The following POTEI variants were observed in gnomAD, a reference collection of about 807,000 sequenced individuals.
POTEI encodes POTE ankyrin domain family member I, also known as POTE ankyrin domain family, member I.
POTEI carries 14 observed loss-of-function variants against 43.4 expected under a neutral mutation model. The observed-to-expected ratio is 0.32, with a 90% CI of 0.21 to 0.50. The LOEUF is 0.50. Ranked by LOEUF, POTEI falls within the 20% of genes least tolerant of loss-of-function variation. The pLI is 0.98. For synonymous variants in POTEI, 95 were observed against 297.9 expected, an observed-to-expected ratio of 0.32 and a Z score of 7.01; for missense variants, 235 against 795.4, an observed-to-expected ratio of 0.30 and a Z score of 8.47.
intron 10 of POTEI, among the ~76,000 whole-genome samples, chr2:130,479,258 G>A (rs1683313409): frequency 6.6e-6 from 1 of 150,648 alleles, no homozygotes; most frequent in South Asian, 2.1e-4. Flanking sequence ...AACTATTAAT[G>A]TTATTTCTTA....
At chr2:130,482,617 G>T (rs1224334482) in intron 9 of POTEI, among the ~76,000 whole-genome samples, 1 of 150,352 alleles carries the variant, frequency 6.7e-6, no homozygotes, top group Non-Finnish European at 1.5e-5. Flanking sequence ...ATATGCAAAT[G>T]TTGTAGTTTT....
At chr2:130,467,600 C>T (rs1231863064) in intron 13 of POTEI, among the ~76,000 whole-genome samples, 3 of 148,968 alleles carry the variant, frequency 2.0e-5, no homozygotes, top group African/African-American at 7.4e-5. Flanking sequence ...GCAAATCCAA[C>T]AAAAATGTAA....
intron 9 of POTEI, among the ~76,000 whole-genome samples, chr2:130,483,600 T>TTTTGC (rs1257753135): frequency 1.3e-4 from 1 of 7,490 alleles, no homozygotes; most frequent in African/African-American, 2.0e-4. Context: ...GTCAAACTTG[T>TTTTGC]TTTTTTTTTT....
Position 130,483,957 on chromosome 2 carries a change from ATT to A in POTEI, c.1410-1886_1410-1885del, listed in dbSNP as rs533579986. Among the ~76,000 whole-genome samples, 922 of 150,452 alleles carry A rather than the reference ATT, an allele frequency of 6.1e-3. 5 individuals carry two copies. The highest frequency in any genetic ancestry group is 0.02 in the African/African-American group (815 of 40,472). Reference sequence around the variant, plus strand: ...AACTCCATTCACTTATTTAACAAGTATTTATTAGGTAGCTACATCCAATATGC... The same window carrying A: ...AACTCCATTCACTTATTTAACAAGTATATTAGGTAGCTACATCCAATATGC... On this transcript the variant is annotated intron_variant, in intron 9 of 14. Transcript: ENST00000451531.
chr2:130,469,585 TA>T (rs1306667693), intron 13 of POTEI, among the ~76,000 whole-genome samples: 2 of 39,466 alleles, frequency 5.1e-5, no homozygotes, highest in Non-Finnish European at 4.3e-5. Context: ...TTTACCACCC[TA>T]AAAAAAATAA....
At chr2:130,483,954 A>G (rs1042113411) in intron 9 of POTEI, among the ~76,000 whole-genome samples, 3 of 150,386 alleles carry the variant, frequency 2.0e-5, no homozygotes, top group Non-Finnish European at 4.4e-5. Context: ...TTATTTAACA[A>G]GTATTTATTA....
At chr2:130,482,221 CA>C (rs1683410606) in intron 9 of POTEI, 148 bp from the exon 10 acceptor site, 1 of 164,924 alleles carries the variant, frequency 6.1e-6, no homozygotes, top group Non-Finnish European at 1.2e-5. Flanking sequence ...GTACGTTCTA[CA>C]AACTTCTCAT....
At chr2:130,468,703 T>TGTTG (rs749600927) in intron 13 of POTEI, among the ~76,000 whole-genome samples, 13 of 64,740 alleles carry the variant, frequency 2.0e-4, no homozygotes, top group Non-Finnish European at 4.4e-4. Context: ...GCCAAACTAT[T>TGTTG]GGGGGGGGGG....
Position 130,463,681 on chromosome 2 carries a change from T to A in POTEI, c.2363A>T (p.His788Leu). The A allele has an allele frequency of 6.2e-7, 1 of 1,605,368 alleles. No homozygotes were observed. Among genetic ancestry groups the A allele is most frequent in the Non-Finnish European group, 8.5e-7 (1 of 1,178,936 alleles). The change falls in exon 15 of 15, where the codon CAC becomes CTC. Residue 788 changes from histidine to leucine, a missense_variant. His to Leu is a moderately conservative substitution (Grantham distance 99). Transcript: ENST00000451531. ...NWDDMEKIWH[H>L]TFYNELRVAP... ...CACACGCAGCTCGTTGTAGAAGGTG[T>A]GGTGCCAGATCTTCTCCATGTCATC...
chr2:130,483,755 C>T (rs1413669542), intron 9 of POTEI, among the ~76,000 whole-genome samples: 1 of 149,306 alleles, frequency 6.7e-6, no homozygotes, highest in Middle Eastern at 3.4e-3. Context: ...CCACCACACC[C>T]GGTTAATTTT....
chr2:130,508,959 T>A lies in POTEI; in HGVS notation c.277A>T (p.Thr93Ser), dbSNP rs1341937707. 2 of 1,588,260 alleles carry A rather than the reference T, an allele frequency of 1.3e-6. No homozygotes were observed. The highest frequency in any genetic ancestry group is 1.7e-6 in the Non-Finnish European group (2 of 1,169,942). Residue 93 changes from threonine to serine, a missense_variant, in exon 1 of 15, where the codon ACG (threonine) becomes TCG (serine). Physicochemically the swap from Thr to Ser is moderately conservative, Grantham distance 58. Transcript: ENST00000451531. ...CACTTGCCCATCTTGCTCCTGAGCGTCTTCATAGCGGAGTCGTCGTGGTCT... is the reference window on the plus strand; with the variant it reads ...CACTTGCCCATCTTGCTCCTGAGCGACTTCATAGCGGAGTCGTCGTGGTCT... The part of the protein sequence containing the change: ...SGDHDDSAMK[T>S]LRSKMGKWCC...
At position 130,460,218 on chromosome 2, in the gene POTEI, C is replaced by G. The variant is rs993887531; in HGVS notation, c.*2598G>C. 1.3e-5 allele frequency: 2 copies of G among 151,344 alleles called. No individual in the cohort carries two copies. The highest frequency in any genetic ancestry group is 2.9e-5 in the Non-Finnish European group (2 of 68,004). The allele number at this position is 151,344 out of a possible 1,614,324, so 9.4% of individuals were successfully genotyped here. A position where few individuals can be genotyped will look rare whatever the true frequency, so the allele number is the denominator to read the frequency against. ...GGAGAGGCGAGCAGACTAAGGAGTG[C>G]TGAGATCAGACCAGCCCCATCTCAA... On this transcript the variant is annotated 3_prime_UTR_variant, in exon 15 of 15. Transcript: ENST00000451531.
chr2:130,482,482 A>G lies in POTEI; in HGVS notation c.1410-409T>C, dbSNP rs564029751. On this transcript the variant is annotated intron_variant, in intron 9 of 14. Coordinates refer to ENST00000451531, the MANE Select transcript of POTEI (RefSeq NM_001277406.2). ...TAGGTTGTTATAATGATTTAACAAG[A>G]TAACATTTTTTTAAATGCTCAAAGA... Among the ~76,000 whole-genome samples, 44 of 150,864 alleles carry G rather than the reference A, an allele frequency of 2.9e-4. No individual in the cohort carries two copies. The East Asian group carries it at 8.2e-3, about 28-fold the overall frequency.
At chr2:130,483,858 G>T (rs1356144936) in intron 9 of POTEI, among the ~76,000 whole-genome samples, 1 of 150,710 alleles carries the variant, frequency 6.6e-6, no homozygotes, top group African/African-American at 2.5e-5. Flanking sequence ...TGTGATTACA[G>T]GTGTGAGCCA....
At chr2:130,473,598 C>T (rs1452385663) in intron 13 of POTEI, among the ~76,000 whole-genome samples, 9 of 23,668 alleles carry the variant, frequency 3.8e-4, no homozygotes, top group Non-Finnish European at 6.8e-3. Context: ...TGAGCTATTT[C>T]CTATTGATAA....
chr2:130,477,058 A>G (rs1683216137), intron 10 of POTEI, among the ~76,000 whole-genome samples: 1 of 150,192 alleles, frequency 6.7e-6, no homozygotes, highest in African/African-American at 2.5e-5. Context: ...AATGATTTCC[A>G]AAATCACTGC....
At chr2:130,468,899 A>G (rs1446056385) in intron 13 of POTEI, among the ~76,000 whole-genome samples, 12 of 152,192 alleles carry the variant, frequency 7.9e-5, no homozygotes, top group Non-Finnish European at 1.3e-4. Context: ...TTAATGAGAT[A>G]AAAATGTATA....
chr2:130,461,595 C>T lies in POTEI; in HGVS notation c.*1221G>A, dbSNP rs554699536. The T allele has an allele frequency of 4.1e-3, 618 of 151,826 alleles. No individual in the cohort carries two copies. Among genetic ancestry groups the T allele is most frequent in the African/African-American group, 0.014 (594 of 41,182 alleles). The allele number at this position is 151,826 out of a possible 1,614,324, so 9.4% of individuals were successfully genotyped here. A position where few individuals can be genotyped will look rare whatever the true frequency, so the allele number is the denominator to read the frequency against. On this transcript the variant is annotated 3_prime_UTR_variant, in exon 15 of 15. Transcript: ENST00000451531. ...GCAAAGGTGGGGGCCTGCCCCTCTC[C>T]GGGAGCTCTGTCCCAGGAACATTTC...
upstream of POTEI, chr2:130,509,562 G>C: frequency 1.6e-5 from 2 of 128,306 alleles, no homozygotes; most frequent in Non-Finnish European, 2.7e-5. Context: ...CCAATCCAAG[G>C]AGGAAACGTC....
Sources: gnomAD v4.1 joint callset for allele counts (sites outside exome capture counted in the v4.1 genomes callset) on GRCh38, gnomAD v4.1.1 for gene constraint, MANE v1.5 for transcripts, NCBI Gene and HGNC (gene_info 2026-07-23, HGNC 2026-07-21) for gene names.